The following CAMK1D variants were observed in gnomAD, a reference collection of about 807,000 sequenced individuals.
CAMK1D encodes the protein calcium/calmodulin dependent protein kinase ID, also known as calcium/calmodulin-dependent protein kinase type 1D.
CAMK1D carries 9 observed loss-of-function variants against 47.7 expected under a neutral mutation model. The ratio of observed to expected loss-of-function variants is 0.19; its 90% confidence interval spans 0.11 to 0.33. The LOEUF (loss-of-function observed/expected upper bound fraction) is 0.33, where lower values mean the gene tolerates loss of function less well. Among genes scored for constraint, CAMK1D ranks in the 10% least tolerant of loss-of-function variants. CAMK1D has a pLI of 1.00. For synonymous variants in CAMK1D, 184 were observed against 184.9 expected, an observed-to-expected ratio of 0.99 and a Z score of 0.04; for missense variants, 291 against 488.7, an observed-to-expected ratio of 0.60 and a Z score of 3.81.
intron 1 of CAMK1D, among the ~76,000 whole-genome samples, chr10:12,394,053 G>C (rs866865959): frequency 6.6e-6 from 1 of 152,108 alleles, no homozygotes; most frequent in Non-Finnish European, 1.5e-5. Context: ...GTTGCGGCTC[G>C]TGCTTTTGGC....
At chr10:12,708,219 G>C (rs185349712) in intron 3 of CAMK1D, among the ~76,000 whole-genome samples, 65 of 152,306 alleles carry the variant, frequency 4.3e-4, no homozygotes, top group African/African-American at 1.5e-3. Flanking sequence ...GTGCTGTGGG[G>C]CTAGTATCCT....
intron 6 of CAMK1D, among the ~76,000 whole-genome samples, chr10:12,802,832 C>A (rs1180967740): frequency 6.6e-6 from 1 of 152,176 alleles, no homozygotes; most frequent in Non-Finnish European, 1.5e-5. Context: ...CTCTTCATTT[C>A]TTTGGCAGGT....
intron 3 of CAMK1D, among the ~76,000 whole-genome samples, chr10:12,735,767 G>A (rs997458615): frequency 1.4e-5 from 2 of 147,406 alleles, no homozygotes; most frequent in Non-Finnish European, 3.0e-5. Flanking sequence ...GAGTTATGGG[G>A]TGGCACAGTC....
At chr10:12,466,754 A>G (rs552053491) in intron 1 of CAMK1D, among the ~76,000 whole-genome samples, 1 of 152,234 alleles carries the variant, frequency 6.6e-6, no homozygotes, top group African/African-American at 2.4e-5. Flanking sequence ...CTTAGGAAGG[A>G]TCTGTGCCTG....
At chr10:12,719,536 A>C (rs1834290776) in intron 3 of CAMK1D, among the ~76,000 whole-genome samples, 1 of 152,210 alleles carries the variant, frequency 6.6e-6, no homozygotes, top group Non-Finnish European at 1.5e-5. Context: ...GCCTGTGGGC[A>C]GGGGTGAGGC....
intron 1 of CAMK1D, among the ~76,000 whole-genome samples, chr10:12,521,967 A>C (rs1293501908): frequency 6.9e-6 from 1 of 145,010 alleles, no homozygotes; most frequent in East Asian, 2.0e-4. Context: ...ATATCATTAT[A>C]GGTGTTTCTT....
chr10:12,459,467 T>C (rs1395039850), intron 1 of CAMK1D, among the ~76,000 whole-genome samples: 1 of 152,130 alleles, frequency 6.6e-6, no homozygotes, highest in Non-Finnish European at 1.5e-5. Context: ...TTTAAAAAAA[T>C]TCCTCTTCAC....
At chr10:12,667,062 C>T (rs2132554835) in intron 3 of CAMK1D, 2 of 404,684 alleles carry the variant, frequency 4.9e-6, no homozygotes, top group East Asian at 7.5e-5. Context: ...GTGAATGTGA[C>T]CTTCCTGTTG....
At chr10:12,416,666 C>T (rs1458575621) in intron 1 of CAMK1D, among the ~76,000 whole-genome samples, 1 of 152,210 alleles carries the variant, frequency 6.6e-6, no homozygotes, top group Non-Finnish European at 1.5e-5. Context: ...TCTTGCTGAG[C>T]ACCGGAGGGA....
At chr10:12,693,932 C>CATATATAAAATATATAATATATATT (rs1489494268) in intron 3 of CAMK1D, among the ~76,000 whole-genome samples, 5 of 78,040 alleles carry the variant, frequency 6.4e-5, no homozygotes, top group African/African-American at 2.0e-4. Flanking sequence ...ATATATATAA[C>CATATATAAAATATATAATATATATT]ATATATAAAA....
intron 6 of CAMK1D, among the ~76,000 whole-genome samples, chr10:12,802,166 G>C (rs993331517): frequency 6.6e-6 from 1 of 152,164 alleles, no homozygotes; most frequent in African/African-American, 2.4e-5. Context: ...CACTTTCACA[G>C]GTGTTTAGAA....
At chr10:12,558,079 C>T (rs966312524) in intron 2 of CAMK1D, among the ~76,000 whole-genome samples, 4 of 152,182 alleles carry the variant, frequency 2.6e-5, no homozygotes, top group East Asian at 1.9e-4. Flanking sequence ...CTGGCATCAG[C>T]GGCTGGATCT....
At chr10:12,552,021 T>C (rs1160142296) in intron 1 of CAMK1D, among the ~76,000 whole-genome samples, 1 of 152,192 alleles carries the variant, frequency 6.6e-6, no homozygotes. Flanking sequence ...TACTTCCCTG[T>C]GCACAGAGCC....
At chr10:12,673,020 C>T (rs984886706) in intron 3 of CAMK1D, among the ~76,000 whole-genome samples, 4 of 151,424 alleles carry the variant, frequency 2.6e-5, no homozygotes, top group African/African-American at 9.7e-5. Flanking sequence ...CCTCAGCCTC[C>T]TGAGTAGCTG....
chr10:12,775,052 G>C (rs1432614096), intron 5 of CAMK1D, among the ~76,000 whole-genome samples: 6 of 149,976 alleles, frequency 4.0e-5, no homozygotes, highest in African/African-American at 1.5e-4. Flanking sequence ...GAAGGCTCAG[G>C]CATTGATCAG....
chr10:12,798,842 A>T (rs547254002), intron 6 of CAMK1D, among the ~76,000 whole-genome samples: 25 of 152,332 alleles, frequency 1.6e-4, no homozygotes, highest in African/African-American at 6.0e-4. Flanking sequence ...CTAGCAGGAC[A>T]CTGTGCACAC....
intron 5 of CAMK1D, among the ~76,000 whole-genome samples, chr10:12,781,558 T>C (rs1235944084): frequency 6.6e-6 from 1 of 152,110 alleles, no homozygotes; most frequent in Non-Finnish European, 1.5e-5. Context: ...GGTAATTACA[T>C]ACCAGTATGG....
intron 2 of CAMK1D, among the ~76,000 whole-genome samples, chr10:12,556,851 G>T (rs756982016): frequency 1.4e-4 from 22 of 152,232 alleles, no homozygotes; most frequent in South Asian, 6.2e-4. Flanking sequence ...TATGTATGTA[G>T]GGAGAATAGT....
At chr10:12,731,192 C>T (rs1042698895) in intron 3 of CAMK1D, among the ~76,000 whole-genome samples, 3 of 152,004 alleles carry the variant, frequency 2.0e-5, no homozygotes, top group African/African-American at 7.2e-5. Context: ...GGTCCTTGAG[C>T]AGTGGAGCGG....
Sources: allele counts gnomAD v4.1 joint callset (sites outside exome capture counted in the v4.1 genomes callset), GRCh38; gene constraint gnomAD v4.1.1; transcripts MANE v1.5; gene names NCBI Gene and HGNC (gene_info 2026-07-23, HGNC 2026-07-21).